The following HAO2 variants were observed in gnomAD, a reference collection of about 807,000 sequenced individuals.
The protein encoded by HAO2 is hydroxyacid oxidase 2.
A neutral mutation model predicts 37.4 loss-of-function variants in HAO2; 42 were observed. That is an observed-to-expected ratio of 1.12 (90% confidence interval 0.88 to 1.45). The LOEUF (loss-of-function observed/expected upper bound fraction) is 1.45. Ranked by LOEUF, HAO2 falls within the 40% of genes most tolerant of loss-of-function variation. The probability of loss-of-function intolerance (pLI) is 0.00; values close to 1 mark genes in which losing one functional copy is unlikely to be tolerated. For missense variants in HAO2, 476 were observed against 430.2 expected (o/e 1.11, Z -0.94); for synonymous variants, 180 against 162.8 (o/e 1.11, Z -0.81).
At chr1:119,384,424 C>G (rs1371180794) in intron 3 of HAO2, among the ~76,000 whole-genome samples, 1 of 152,176 alleles carries the variant, frequency 6.6e-6, no homozygotes, top group Non-Finnish European at 1.5e-5. Flanking sequence ...TCTGCCCTCT[C>G]TAATTCTCTT....
intron 4 of HAO2, chr1:119,385,329 A>T (rs1329693567): frequency 2.0e-6 from 2 of 985,202 alleles, no homozygotes; most frequent in Admixed American, 6.2e-5. Flanking sequence ...GCTGAGAAAT[A>T]GGAAAGCCAC....
chr1:119,374,917 A>G (rs1339867967), intron 1 of HAO2, among the ~76,000 whole-genome samples: 1 of 152,196 alleles, frequency 6.6e-6, no homozygotes. Flanking sequence ...TCAGATTGTT[A>G]GCAACAGGTA....
chr1:119,380,794 G>A (rs1649860841), intron 1 of HAO2: 1 of 965,438 alleles, frequency 1.0e-6, no homozygotes, highest in African/African-American at 1.6e-5. Flanking sequence ...TAGGTCTAAG[G>A]TGGTGTGTGT....
At position 119,393,775 on chromosome 1, in the gene HAO2, G is replaced by T. The variant is rs1651100841; in HGVS notation, c.1001-10G>T. The T allele has an allele frequency of 3.1e-6, 5 of 1,612,984 alleles. No individual in the cohort carries two copies. Among genetic ancestry groups the T allele is most frequent in the Non-Finnish European group, 4.2e-6 (5 of 1,179,138 alleles). On this transcript the variant is annotated splice_polypyrimidine_tract_variant and intron_variant, in intron 7 of 7. Transcript: ENST00000325945. Reference sequence around the variant, plus strand: ...ACAAAAATGAGCTTGTAACCACATTGTTCTTTTAGGCTGCCGGTCGGTCGC... The same window carrying T: ...ACAAAAATGAGCTTGTAACCACATTTTTCTTTTAGGCTGCCGGTCGGTCGC...
intron 1 of HAO2, among the ~76,000 whole-genome samples, chr1:119,379,203 T>C (rs1649717669): frequency 6.6e-6 from 1 of 152,190 alleles, no homozygotes; most frequent in Middle Eastern, 3.2e-3. Context: ...AGAGATTCAA[T>C]GCCCAGAGTT....
chr1:119,382,760 G>A (rs186233997), intron 2 of HAO2, among the ~76,000 whole-genome samples, 155 bp from the exon 3 acceptor site: 2 of 152,154 alleles, frequency 1.3e-5, no homozygotes, highest in Admixed American at 6.5e-5. Flanking sequence ...ATCAACATAG[G>A]TTACTCAGCT....
At chr1:119,379,726 A>T (rs1337745936) in intron 1 of HAO2, among the ~76,000 whole-genome samples, 1 of 152,128 alleles carries the variant, frequency 6.6e-6, no homozygotes, top group Non-Finnish European at 1.5e-5. Flanking sequence ...CTAGAGCCCA[A>T]TGCACTTCCT....
intron 1 of HAO2, among the ~76,000 whole-genome samples, chr1:119,379,790 A>G (rs1030621226): frequency 6.6e-6 from 1 of 151,944 alleles, no homozygotes; most frequent in African/African-American, 2.4e-5. Context: ...GCCCTTAAGT[A>G]CGTGCTAAGG....
At chr1:119,393,046 C>T (rs958005898) in intron 7 of HAO2, among the ~76,000 whole-genome samples, 1 of 152,084 alleles carries the variant, frequency 6.6e-6, no homozygotes, top group African/African-American at 2.4e-5. Flanking sequence ...TAGGAAAAGA[C>T]CCTCTCATTA....
At chr1:119,369,790 CTA>C (rs1648820852) in intron 1 of HAO2, among the ~76,000 whole-genome samples, 1 of 152,120 alleles carries the variant, frequency 6.6e-6, no homozygotes, top group Non-Finnish European at 1.5e-5. Flanking sequence ...CTGTTGTACT[CTA>C]AATCGTATCA....
At chr1:119,370,727 G>A (rs1409185957) in intron 1 of HAO2, among the ~76,000 whole-genome samples, 2 of 152,092 alleles carry the variant, frequency 1.3e-5, no homozygotes, top group Non-Finnish European at 2.9e-5. Context: ...ACAGTTGATC[G>A]GTGGAAAGCA....
In HAO2 at chr1:119,385,057, A is replaced by G. The variant is rs6667679; in HGVS notation, c.561+4A>G. Reference sequence around the variant, plus strand: ...AGATCTTCAATCACCTAAAAAGGTAAGAAAGATACCAAATTCGATGGACAG... The same window carrying G: ...AGATCTTCAATCACCTAAAAAGGTAGGAAAGATACCAAATTCGATGGACAG... On this transcript the variant is annotated splice_donor_region_variant and intron_variant, in intron 4 of 7. Transcript: ENST00000325945. 0.64 allele frequency: 1,022,482 copies of G among 1,603,898 alleles called. 327,499 individuals are homozygous for G. Among genetic ancestry groups the G allele is most frequent in the Admixed American group, 0.74 (44,555 of 59,874 alleles).
At chr1:119,374,138 T>C (rs771611012) in intron 1 of HAO2, among the ~76,000 whole-genome samples, 18 of 152,228 alleles carry the variant, frequency 1.2e-4, no homozygotes, top group Non-Finnish European at 2.6e-4. Context: ...TTCCTGGGCA[T>C]CCAAATTCTT....
chr1:119,379,233 T>C (rs1649721528), intron 1 of HAO2, among the ~76,000 whole-genome samples: 2 of 152,152 alleles, frequency 1.3e-5, no homozygotes, highest in Admixed American at 1.3e-4. Flanking sequence ...AGGCTGGTCA[T>C]ATGGTCACCC....
At chr1:119,389,842 C>T (rs1031618660) in intron 5 of HAO2, among the ~76,000 whole-genome samples, 1 of 152,002 alleles carries the variant, frequency 6.6e-6, no homozygotes, top group African/African-American at 2.4e-5. Flanking sequence ...CTTTTGGGTT[C>T]GTGGTCATAA....
chr1:119,380,112 G>A (rs1245321171), intron 1 of HAO2, among the ~76,000 whole-genome samples: 1 of 152,214 alleles, frequency 6.6e-6, no homozygotes, highest in Non-Finnish European at 1.5e-5. Context: ...GAAACTTCAG[G>A]TTTCTCTGTT....
In HAO2 at chr1:119,382,965, G is replaced by A; in HGVS notation, c.182G>A (p.Arg61Lys). The change falls in exon 3 of 8, where the codon AGA becomes AAA. Residue 61 changes from arginine to lysine, a missense_variant. Coordinates refer to ENST00000325945, the MANE Select transcript of HAO2 (RefSeq NM_016527.4). ...AGAGATGTGTCTGAGGTGGACACCA[G>A]AACCACAATCCAAGGGGAGGAGATC... ...YLRDVSEVDTRTTIQGEEISA... is the reference protein window; with the variant it reads ...YLRDVSEVDTKTTIQGEEISA... The A allele has an allele frequency of 6.2e-7, 1 of 1,613,486 alleles. No homozygotes were observed. The highest frequency in any genetic ancestry group is 8.5e-7 in the Non-Finnish European group (1 of 1,179,498).
At chr1:119,383,438 G>A (rs1049569246) in intron 3 of HAO2, among the ~76,000 whole-genome samples, 2 of 152,202 alleles carry the variant, frequency 1.3e-5, no homozygotes, top group Admixed American at 1.3e-4. Flanking sequence ...CCAGGGCTAG[G>A]GCTGAATGGC....
At chr1:119,382,420 T>C (rs1650026317) in intron 2 of HAO2, among the ~76,000 whole-genome samples, 1 of 152,230 alleles carries the variant, frequency 6.6e-6, no homozygotes, top group African/African-American at 2.4e-5. Context: ...TCAAACTAAC[T>C]AGCCTCTATC....
Sources: gnomAD v4.1 joint callset for allele counts (sites outside exome capture counted in the v4.1 genomes callset) on GRCh38, gnomAD v4.1.1 for gene constraint, MANE v1.5 for transcripts, NCBI Gene and HGNC (gene_info 2026-07-23, HGNC 2026-07-21) for gene names.